The following ASMT variants were observed in gnomAD, a reference collection of about 807,000 sequenced individuals.
ASMT encodes the protein acetylserotonin N-methyltransferase.
ASMT carries 53 observed loss-of-function variants against 41.3 expected under a neutral mutation model. The observed-to-expected ratio is 1.28, with a 90% confidence interval of 1.03 to 1.61. The LOEUF (loss-of-function observed/expected upper bound fraction) is 1.61, where lower values mean the gene tolerates loss of function less well. Among genes scored for constraint, ASMT ranks in the 40% most tolerant of loss-of-function variants. The probability of loss-of-function intolerance (pLI) is 0.00; values close to 1 mark genes in which losing one functional copy is unlikely to be tolerated. For synonymous variants in ASMT, 231 were observed against 184.8 expected (o/e 1.25, Z -2.03); for missense variants, 531 against 441.3 (o/e 1.20, Z -1.82).
intron 8 of ASMT, among the ~76,000 whole-genome samples, chrX:1,641,334 T>C (rs6655383): frequency 3.4e-5 from 1 of 29,600 alleles, no homozygotes; most frequent in Non-Finnish European, 7.9e-5. Context: ...GATGATCCAT[T>C]AGGATGTGGA....
At position 1,625,590 on chromosome X, in the gene ASMT, A is replaced by G. The variant is rs747713389; in HGVS notation, c.374+1192A>G. 1.9e-4 allele frequency among the ~76,000 whole-genome samples: 21 copies of G among 108,656 alleles called. No individual in the cohort carries two copies. The East Asian group carries it at 6.8e-3, about 35-fold the overall frequency. 71.3% of individuals were successfully genotyped at this position (108,656 alleles called of 152,430 possible). A position where few individuals can be genotyped will look rare whatever the true frequency, so the allele number is the denominator to read the frequency against. On this transcript the variant is annotated intron_variant, in intron 3 of 8. Transcript: ENST00000381241. Reference sequence around the variant, plus strand: ...GGAGGGAAAGAAGGGAAATAATGGAAAGTAAGAGAAAGAAAGAGAAGGAAG... The same window carrying G: ...GGAGGGAAAGAAGGGAAATAATGGAGAGTAAGAGAAAGAAAGAGAAGGAAG...
chrX:1,619,915 C>A (rs1177263947), intron 1 of ASMT, among the ~76,000 whole-genome samples: 2 of 150,438 alleles, frequency 1.3e-5, no homozygotes, highest in African/African-American at 2.4e-5. Flanking sequence ...CACGGTGAAA[C>A]CCCGTCTCTA....
intron 3 of ASMT, among the ~76,000 whole-genome samples, chrX:1,627,312 C>CTGAAAT (rs1934586772): frequency 6.7e-6 from 1 of 148,578 alleles, no homozygotes; most frequent in African/African-American, 2.5e-5. Flanking sequence ...GGCGACACAG[C>CTGAAAT]GAGACTCCAT....
chrX:1,623,839 G>T (rs1232736132), intron 2 of ASMT, among the ~76,000 whole-genome samples: 1 of 151,942 alleles, frequency 6.6e-6, no homozygotes, highest in African/African-American at 2.4e-5. Context: ...AGTAGAGACA[G>T]GATTTCGTCA....
At chrX:1,628,812 CCTT>C (rs1350773331) in intron 4 of ASMT, among the ~76,000 whole-genome samples, 5 of 90,002 alleles carry the variant, frequency 5.6e-5, no homozygotes, top group African/African-American at 1.8e-4. Flanking sequence ...CTGCCTCTCT[CCTT>C]CTCCTCTCCC....
At chrX:1,622,441 C>A (rs1483079466) in intron 1 of ASMT, among the ~76,000 whole-genome samples, 39 of 151,482 alleles carry the variant, frequency 2.6e-4, no homozygotes, top group Non-Finnish European at 4.9e-4. Context: ...CAGGCATGAG[C>A]CACCACGCCC....
In ASMT at chrX:1,627,719, T is replaced by C. The variant is rs780285045; in HGVS notation, c.391T>C (p.Tyr131His). 3 of 1,613,846 alleles carry C rather than the reference T, an allele frequency of 1.9e-6. No individual in the cohort carries two copies. The highest frequency in any genetic ancestry group is 2.5e-6 in the Non-Finnish European group (3 of 1,179,756). Residue 131 changes from tyrosine (Y) to histidine (H), a missense_variant, in exon 4 of 9, where the codon TAC becomes CAC. Physicochemically the swap from Tyr to His is moderately conservative, Grantham distance 83. Transcript: ENST00000381241. ...ADAVREGRNQ[Y>H]LETFGVPAEE... ...TTTTCTTAGAGAAGGAAGGAACCAG[T>C]ACCTGGAGACGTTTGGCGTTCCCGC...
intron 1 of ASMT, among the ~76,000 whole-genome samples, chrX:1,615,820 C>G (rs1349385910): frequency 1.3e-5 from 2 of 150,156 alleles, no homozygotes; most frequent in Non-Finnish European, 3.0e-5. Context: ...ACCAAACAAA[C>G]AACAAAAAAA....
intron 8 of ASMT, among the ~76,000 whole-genome samples, 191 bp from the exon 9 acceptor site, chrX:1,642,612 G>C (rs1221069977): frequency 2.0e-5 from 3 of 151,896 alleles, no homozygotes. Flanking sequence ...GATGGGGACA[G>C]TGTCCCAGCG....
At chrX:1,628,400 C>T (rs1166846662) in intron 4 of ASMT, among the ~76,000 whole-genome samples, 1 of 152,180 alleles carries the variant, frequency 6.6e-6, no homozygotes, top group African/African-American at 2.4e-5. Context: ...GAGACCTCAG[C>T]TCTTCACTTT....
chrX:1,630,917 ATTTT>A (rs1457094380), intron 5 of ASMT, among the ~76,000 whole-genome samples: 1 of 138,844 alleles, frequency 7.2e-6, no homozygotes. Flanking sequence ...TTATTTATTT[ATTTT>A]TTTTTTTGAG....
intron 5 of ASMT, among the ~76,000 whole-genome samples, chrX:1,631,686 G>T (rs1175550240): frequency 6.6e-6 from 1 of 152,048 alleles, no homozygotes; most frequent in Admixed American, 6.6e-5. Context: ...AGGCCGAGGC[G>T]GGTGGATCTC....
intron 1 of ASMT, among the ~76,000 whole-genome samples, chrX:1,618,518 T>C (rs1224886228): frequency 6.6e-6 from 1 of 152,072 alleles, no homozygotes; most frequent in East Asian, 1.9e-4. Flanking sequence ...CAGGCTGGTC[T>C]TGAACTCCTG....
chrX:1,620,815 G>A (rs1167281200), intron 1 of ASMT, among the ~76,000 whole-genome samples: 4 of 152,150 alleles, frequency 2.6e-5, no homozygotes, highest in Non-Finnish European at 5.9e-5. Context: ...CTTGAACCTG[G>A]GAGGTGGAGG....
chrX:1,632,853 G>A lies in ASMT; in HGVS notation c.646+66G>A, dbSNP rs1473854427. On this transcript the variant is annotated intron_variant, in intron 6 of 8. Transcript: ENST00000381241. ...GAACGTCACACACTGGGGCCTGTCAGGGCCTGGGGGGCTGGGAGGCTGGGG... is the reference window on the plus strand; with the variant it reads ...GAACGTCACACACTGGGGCCTGTCAAGGCCTGGGGGGCTGGGAGGCTGGGG... The A allele has an allele frequency of 3.9e-5, 20 of 514,230 alleles. 1 individual carries two copies. The highest frequency in any genetic ancestry group is 6.3e-5 in the South Asian group (3 of 47,752). The allele number at this position is 514,230 out of a possible 1,614,324, so 31.9% of individuals were successfully genotyped here. A position where few individuals can be genotyped will look rare whatever the true frequency, so the allele number is the denominator to read the frequency against.
At chrX:1,617,416 G>C (rs1227670854) in intron 1 of ASMT, among the ~76,000 whole-genome samples, 1 of 151,356 alleles carries the variant, frequency 6.6e-6, no homozygotes, top group Non-Finnish European at 1.5e-5. Flanking sequence ...AGGTTGCAGT[G>C]AGCCGAGATT....
At chrX:1,625,765 T>G (rs111854919) in intron 3 of ASMT, among the ~76,000 whole-genome samples, 1 of 151,248 alleles carries the variant, frequency 6.6e-6, no homozygotes, top group African/African-American at 2.4e-5. Flanking sequence ...CCATCCTGGC[T>G]AACACGGTGA....
intron 5 of ASMT, among the ~76,000 whole-genome samples, chrX:1,630,774 T>G (rs1290235942): frequency 1.3e-5 from 2 of 151,904 alleles, no homozygotes; most frequent in African/African-American, 4.8e-5. Flanking sequence ...CCCTGGCTGG[T>G]CTCAGACTCC....
chrX:1,629,725 G>A lies in ASMT; in HGVS notation c.444-96G>A, dbSNP rs1205734278. 6.3e-6 allele frequency: 7 copies of A among 1,109,064 alleles called. No homozygotes were observed. In the African/African-American group the frequency reaches 9.1e-5, roughly 14 times the overall value. The allele number at this position is 1,109,064 out of a possible 1,614,324, so 68.7% of individuals were successfully genotyped here. A position where few individuals can be genotyped will look rare whatever the true frequency, so the allele number is the denominator to read the frequency against. ...CAAGCCTTCCAGGTGCACCTGTGGGGTATAGCTCCGTTCTCAACAGGGGGT... is the reference window on the plus strand; with the variant it reads ...CAAGCCTTCCAGGTGCACCTGTGGGATATAGCTCCGTTCTCAACAGGGGGT... On this transcript the variant is annotated intron_variant, in intron 4 of 8. Transcript: ENST00000381241.
Sources: allele counts gnomAD v4.1 joint callset (sites outside exome capture counted in the v4.1 genomes callset), GRCh38; gene constraint gnomAD v4.1.1; transcripts MANE v1.5; gene names NCBI Gene and HGNC (gene_info 2026-07-23, HGNC 2026-07-21).